Variants in LRTM3 observed in about 807,000 individuals in gnomAD.
LRTM3 encodes the protein leucine rich repeat transmembrane protein 3.
At chr13:102,738,738 T>C in the LRTM3 span, 1 of 1,550,756 alleles carries the variant, frequency 6.4e-7, no homozygotes, top group Non-Finnish European at 8.7e-7. Context: ...TCTCCTTCTA[T>C]TGTGCCCACT....
the LRTM3 span, chr13:102,733,556 T>A: frequency 1.3e-6 from 2 of 1,551,252 alleles, no homozygotes; most frequent in African/African-American, 1.4e-5. Flanking sequence ...TATTTCAGTG[T>A]CTTCTTCCAG....
chr13:102,744,709 T>C, the LRTM3 span: 1 of 1,550,766 alleles, frequency 6.4e-7, no homozygotes, highest in Non-Finnish European at 8.7e-7. Flanking sequence ...ATGGAACTGA[T>C]TCTGTTAACA....
the LRTM3 span, chr13:102,748,516 A>G: frequency 8.4e-6 from 13 of 1,550,742 alleles, no homozygotes; most frequent in Middle Eastern, 1.7e-4. Flanking sequence ...TTGAAAGTTG[A>G]AGATGGGAAT....
the LRTM3 span, chr13:102,732,433 T>G: frequency 6.4e-7 from 1 of 1,551,270 alleles, no homozygotes; most frequent in Non-Finnish European, 8.7e-7. Flanking sequence ...TCAATTCTCT[T>G]TTCAGATCTC....
At chr13:102,730,267 G>C in the LRTM3 span, 1 of 1,551,402 alleles carries the variant, frequency 6.4e-7, no homozygotes, top group South Asian at 1.2e-5. Context: ...CAAATAGAAT[G>C]TTTTCTGATT....
the LRTM3 span, chr13:102,731,873 A>AGAAT: frequency 3.9e-6 from 6 of 1,549,552 alleles, no homozygotes; most frequent in African/African-American, 8.2e-5. Context: ...TGTGGGTGTC[A>AGAAT]GAATGCGTTT....
the LRTM3 span, chr13:102,758,576 T>C: frequency 6.5e-7 from 1 of 1,546,506 alleles, no homozygotes; most frequent in Non-Finnish European, 8.7e-7. Context: ...CTGTCTTCCG[T>C]CTATTTTAAT....
the LRTM3 span, chr13:102,742,029 G>A: frequency 1.9e-6 from 3 of 1,550,430 alleles, no homozygotes; most frequent in South Asian, 3.6e-5. Flanking sequence ...TCTTTTAGTG[G>A]TTTCTCCAGC....
chr13:102,738,879 C>G, the LRTM3 span: 1 of 1,550,724 alleles, frequency 6.4e-7, no homozygotes. Flanking sequence ...GGCTGCTTCA[C>G]CTCCAAAGCT....
At chr13:102,738,389 CT>C in the LRTM3 span, 24 of 1,550,684 alleles carry the variant, frequency 1.5e-5, no homozygotes, top group Middle Eastern at 3.3e-4. Flanking sequence ...TGCTTTTTCT[CT>C]CCTTGTATCC....
chr13:102,743,967 C>T, the LRTM3 span: 1 of 1,550,394 alleles, frequency 6.4e-7, no homozygotes, highest in Non-Finnish European at 8.7e-7. Flanking sequence ...ATATGACCAT[C>T]CAGATTTTGT....
At chr13:102,744,391 T>C in the LRTM3 span, 1 of 1,550,240 alleles carries the variant, frequency 6.5e-7, no homozygotes, top group Non-Finnish European at 8.7e-7. Flanking sequence ...CCCATTTCCT[T>C]CTAGGATTTT....
the LRTM3 span, chr13:102,746,325 CCT>C: frequency 6.4e-7 from 1 of 1,550,870 alleles, no homozygotes; most frequent in Non-Finnish European, 8.7e-7. Flanking sequence ...TGCAATTTTT[CCT>C]CTCTGTCATG....
At chr13:102,729,564 T>A in the LRTM3 span, 1 of 1,521,984 alleles carries the variant, frequency 6.6e-7, no homozygotes, top group Non-Finnish European at 8.8e-7. Context: ...ATTCTGAAGT[T>A]TCTTTTCCTT....
the LRTM3 span, chr13:102,741,551 C>T: frequency 6.5e-7 from 1 of 1,550,226 alleles, no homozygotes. Context: ...AGTTACCTTT[C>T]CTGTGTTTTC....
At chr13:102,732,240 G>T in the LRTM3 span, 1 of 1,551,246 alleles carries the variant, frequency 6.4e-7, no homozygotes, top group Non-Finnish European at 8.7e-7. Flanking sequence ...TGAGGTGAAC[G>T]CATGATGGAA....
chr13:102,732,020 T>C, the LRTM3 span: 1 of 1,551,392 alleles, frequency 6.4e-7, no homozygotes, highest in Non-Finnish European at 8.7e-7. Context: ...GAGGTTTGCT[T>C]CTGATTTGAC....
the LRTM3 span, chr13:102,736,721 G>A: frequency 6.5e-7 from 1 of 1,550,372 alleles, no homozygotes; most frequent in Non-Finnish European, 8.7e-7. Context: ...ATGGGAAAGG[G>A]GTGATTTCTC....
At chr13:102,756,673 T>TAAAAAAAAAAAAAAA in the LRTM3 span, among the ~76,000 whole-genome samples, 1 of 67,022 alleles carries the variant, frequency 1.5e-5, no homozygotes, top group African/African-American at 5.5e-5. Flanking sequence ...AAACTCTGTC[T>TAAAAAAAAAAAAAAA]AAAAAAAAAA....
Sources: gnomAD v4.1 joint callset for allele counts (sites outside exome capture counted in the v4.1 genomes callset) on GRCh38, gnomAD v4.1.1 for gene constraint, MANE v1.5 for transcripts, NCBI Gene and HGNC (gene_info 2026-07-23, HGNC 2026-07-21) for gene names.